Variants in CSMD1 observed in about 807,000 individuals in gnomAD.
The protein encoded by CSMD1 is CUB and Sushi multiple domains 1, also known as CUB and sushi domain-containing protein 1.
A neutral mutation model predicts 417.5 loss-of-function variants in CSMD1; 213 were observed. The ratio of observed to expected loss-of-function variants is 0.51; its 90% confidence interval spans 0.46 to 0.57. The LOEUF is 0.57. Among genes scored for constraint, CSMD1 ranks in the 20% least tolerant of loss-of-function variants. The pLI is 0.00. For missense variants in CSMD1, 6,923 were observed against 4,529.7 expected, an observed-to-expected ratio of 1.53 and a Z score of -15.17; for synonymous variants, 2,862 against 1,736.8, an observed-to-expected ratio of 1.65 and a Z score of -16.11.
chr8:3,139,612 A>C (rs924352349), intron 41 of CSMD1, among the ~76,000 whole-genome samples: 1 of 152,222 alleles, frequency 6.6e-6, no homozygotes, highest in Non-Finnish European at 1.5e-5. Flanking sequence ...GAATGTTTAC[A>C]TAAGTTTTCT....
At chr8:4,089,311 G>A (rs542925418) in intron 3 of CSMD1, among the ~76,000 whole-genome samples, 22 of 152,280 alleles carry the variant, frequency 1.4e-4, no homozygotes, top group Non-Finnish European at 2.8e-4. Flanking sequence ...TTTGAAAGAA[G>A]AAAGAAGGAA....
intron 1 of CSMD1, among the ~76,000 whole-genome samples, chr8:4,959,927 A>G (rs146810552): frequency 2.6e-5 from 4 of 152,136 alleles, no homozygotes; most frequent in African/African-American, 7.2e-5. Context: ...TCTGCTCTAC[A>G]CTTTTAAAAT....
At chr8:3,914,186 A>C (rs1202640350) in intron 5 of CSMD1, among the ~76,000 whole-genome samples, 2 of 152,152 alleles carry the variant, frequency 1.3e-5, no homozygotes, top group Non-Finnish European at 2.9e-5. Context: ...AAGTACTTTT[A>C]ACCCCCAAAA....
At chr8:3,465,835 T>C (rs781086309) in intron 12 of CSMD1, among the ~76,000 whole-genome samples, 1 of 152,152 alleles carries the variant, frequency 6.6e-6, no homozygotes, top group Non-Finnish European at 1.5e-5. Flanking sequence ...CTAGGGTTTG[T>C]AGTCTGAGGG....
At chr8:3,692,930 G>C (rs1396486328) in intron 7 of CSMD1, among the ~76,000 whole-genome samples, 1 of 151,966 alleles carries the variant, frequency 6.6e-6, no homozygotes, top group Non-Finnish European at 1.5e-5. Flanking sequence ...CAAAATAGAA[G>C]GGTAAAAAAA....
At chr8:4,285,943 T>A (rs1172962416) in intron 3 of CSMD1, among the ~76,000 whole-genome samples, 6 of 152,176 alleles carry the variant, frequency 3.9e-5, no homozygotes, top group Admixed American at 1.3e-4. Context: ...GTGGCTATGA[T>A]ATATCCGCAA....
At chr8:3,044,267 G>A (rs756156871) in intron 50 of CSMD1, among the ~76,000 whole-genome samples, 6 of 152,148 alleles carry the variant, frequency 3.9e-5, no homozygotes, top group Admixed American at 6.5e-5. Context: ...GTTGGGTAAA[G>A]CATTTAATTT....
intron 6 of CSMD1, among the ~76,000 whole-genome samples, chr8:3,714,041 TA>T (rs1801678238): frequency 1.3e-5 from 2 of 150,446 alleles, no homozygotes; most frequent in Non-Finnish European, 3.0e-5. Flanking sequence ...GATAGATAGA[TA>T]GATAGATAGA....
At chr8:3,293,366 T>C (rs1803720617) in intron 25 of CSMD1, among the ~76,000 whole-genome samples, 1 of 152,300 alleles carries the variant, frequency 6.6e-6, no homozygotes, top group Admixed American at 6.5e-5. Flanking sequence ...AATTTGAATG[T>C]TGGCCTGCCT....
chr8:4,185,567 G>A (rs926231181), intron 3 of CSMD1, among the ~76,000 whole-genome samples: 2 of 152,010 alleles, frequency 1.3e-5, no homozygotes, highest in Admixed American at 6.6e-5. Flanking sequence ...CACACAAATG[G>A]ATCAAAAGTA....
At chr8:4,865,878 A>G (rs1802397033) in intron 1 of CSMD1, among the ~76,000 whole-genome samples, 2 of 151,942 alleles carry the variant, frequency 1.3e-5, no homozygotes, top group African/African-American at 4.8e-5. Flanking sequence ...ATTTTAACCA[A>G]ATTTAATCAT....
chr8:4,267,489 G>A (rs1563361304), intron 3 of CSMD1, among the ~76,000 whole-genome samples: 1 of 151,418 alleles, frequency 6.6e-6, no homozygotes, highest in Non-Finnish European at 1.5e-5. Context: ...TAATATTAAA[G>A]TCTTCATATC....
At chr8:3,299,717 G>C (rs2117331226) in intron 25 of CSMD1, among the ~76,000 whole-genome samples, 1 of 152,184 alleles carries the variant, frequency 6.6e-6, no homozygotes, top group East Asian at 1.9e-4. Context: ...ACAGAGAAGA[G>C]GAAGTCACTA....
At chr8:4,685,551 G>A (rs868436864) in intron 1 of CSMD1, among the ~76,000 whole-genome samples, 1 of 152,058 alleles carries the variant, frequency 6.6e-6, no homozygotes, top group African/African-American at 2.4e-5. Context: ...ACTGCAGCCT[G>A]GGTGACAGAA....
chr8:3,183,692 G>A (rs978291678), intron 36 of CSMD1, among the ~76,000 whole-genome samples: 2 of 152,180 alleles, frequency 1.3e-5, no homozygotes, highest in African/African-American at 4.8e-5. Context: ...ACATCGAGTA[G>A]GTCTCTACTG....
chr8:4,359,280 T>C (rs774209117), intron 3 of CSMD1, among the ~76,000 whole-genome samples: 2 of 152,300 alleles, frequency 1.3e-5, no homozygotes, highest in African/African-American at 4.8e-5. Flanking sequence ...ATTCAATAGA[T>C]ATATTCTGTG....
intron 2 of CSMD1, among the ~76,000 whole-genome samples, chr8:4,576,234 C>T (rs756031357): frequency 6.6e-6 from 1 of 152,220 alleles, no homozygotes; most frequent in Non-Finnish European, 1.5e-5. Context: ...CTTCTGAATT[C>T]CAGGCACCCT....
At chr8:3,961,067 T>C (rs1170954180) in intron 5 of CSMD1, among the ~76,000 whole-genome samples, 3 of 152,084 alleles carry the variant, frequency 2.0e-5, no homozygotes, top group Admixed American at 6.6e-5. Context: ...TCAAACAAAA[T>C]TGAACATGAA....
At chr8:4,040,236 A>T (rs968351462) in intron 3 of CSMD1, among the ~76,000 whole-genome samples, 2 of 152,232 alleles carry the variant, frequency 1.3e-5, no homozygotes, top group African/African-American at 2.4e-5. Flanking sequence ...ATTCCACTTC[A>T]TTATTTCTGC....
Sources: allele counts gnomAD v4.1 joint callset (sites outside exome capture counted in the v4.1 genomes callset), GRCh38; gene constraint gnomAD v4.1.1; transcripts MANE v1.5; gene names NCBI Gene and HGNC (gene_info 2026-07-23, HGNC 2026-07-21).